The following TSNARE1 variants were observed in gnomAD, a reference collection of about 807,000 sequenced individuals.
The protein encoded by TSNARE1 is t-SNARE domain-containing protein 1.
A neutral mutation model predicts 62.0 loss-of-function variants in TSNARE1; 49 were observed. The ratio of observed to expected loss-of-function variants is 0.79; its 90% CI spans 0.63 to 1.00. The LOEUF (loss-of-function observed/expected upper bound fraction) is 1.00. Among genes scored for constraint, TSNARE1 ranks in the 50% least tolerant of loss-of-function variants. The pLI is 0.00. For synonymous variants in TSNARE1, 328 were observed against 294.4 expected, an observed-to-expected ratio of 1.11 and a Z score of -1.17; for missense variants, 755 against 700.1, an observed-to-expected ratio of 1.08 and a Z score of -0.88.
chr8:142,369,808 C>T (rs117989263), intron 1 of TSNARE1, among the ~76,000 whole-genome samples: 1,647 of 152,286 alleles, frequency 0.011, 14 homozygotes, highest in Non-Finnish European at 0.015. Context: ...AAACAAAAGA[C>T]AAGCACCTAC....
At chr8:142,352,734 C>T (rs539323393) in intron 2 of TSNARE1, among the ~76,000 whole-genome samples, 2 of 152,352 alleles carry the variant, frequency 1.3e-5, no homozygotes, top group South Asian at 2.1e-4. Flanking sequence ...CAGCAACATA[C>T]GGCTCAGGGA....
At chr8:142,327,494 G>A (rs1296238667) in intron 6 of TSNARE1, among the ~76,000 whole-genome samples, 1 of 152,222 alleles carries the variant, frequency 6.6e-6, no homozygotes, top group Non-Finnish European at 1.5e-5. Flanking sequence ...TGCACCAGCT[G>A]GCAAATGGGT....
At chr8:142,231,597 T>C (rs1249308862) in intron 12 of TSNARE1, among the ~76,000 whole-genome samples, 1 of 152,198 alleles carries the variant, frequency 6.6e-6, no homozygotes, top group Non-Finnish European at 1.5e-5. Context: ...TGGCTTAGGA[T>C]ACTGGGGTTT....
chr8:142,267,395 C>T (rs1427451030), intron 12 of TSNARE1, among the ~76,000 whole-genome samples: 2 of 152,204 alleles, frequency 1.3e-5, no homozygotes, highest in Non-Finnish European at 1.5e-5. Flanking sequence ...GGCAAGCTGG[C>T]CGTGCTCATT....
chr8:142,369,260 G>A (rs576393673), intron 1 of TSNARE1, among the ~76,000 whole-genome samples: 1 of 152,320 alleles, frequency 6.6e-6, no homozygotes, highest in Admixed American at 6.5e-5. Context: ...GGAATCTGCA[G>A]CCAGGTCATA....
intron 2 of TSNARE1, among the ~76,000 whole-genome samples, chr8:142,348,069 A>G (rs898780611): frequency 1.3e-5 from 2 of 152,244 alleles, no homozygotes; most frequent in Non-Finnish European, 2.9e-5. Context: ...TTTGAATAGA[A>G]TAATACCCAC....
chr8:142,375,345 G>A (rs1451239914), intron 1 of TSNARE1, among the ~76,000 whole-genome samples: 1 of 152,252 alleles, frequency 6.6e-6, no homozygotes, highest in Non-Finnish European at 1.5e-5. Flanking sequence ...GTGCCCCGGG[G>A]GAGGGCGGGT....
intron 9 of TSNARE1, among the ~76,000 whole-genome samples, chr8:142,309,212 ACTGT>A (rs1382513772): frequency 6.6e-6 from 1 of 152,174 alleles, no homozygotes; most frequent in African/African-American, 2.4e-5. Flanking sequence ...ACATAATCAC[ACTGT>A]CTATGAAACA....
chr8:142,356,247 C>A (rs1475912892), intron 1 of TSNARE1, among the ~76,000 whole-genome samples: 1 of 152,202 alleles, frequency 6.6e-6, no homozygotes, highest in Admixed American at 6.5e-5. Flanking sequence ...AAACACCCGG[C>A]CCCACGCAGA....
intron 1 of TSNARE1, among the ~76,000 whole-genome samples, chr8:142,363,082 C>T (rs1306231344): frequency 6.6e-6 from 1 of 152,158 alleles, no homozygotes; most frequent in African/African-American, 2.4e-5. Context: ...GACCAGTCTC[C>T]AAGCCGCCAG....
chr8:142,259,264 C>A (rs1288988699), intron 12 of TSNARE1, among the ~76,000 whole-genome samples: 2 of 152,224 alleles, frequency 1.3e-5, no homozygotes, highest in Non-Finnish European at 2.9e-5. Flanking sequence ...TTATTAGACG[C>A]AGCAGATTGA....
chr8:142,328,370 T>C (rs967409482), intron 6 of TSNARE1, among the ~76,000 whole-genome samples: 1 of 152,212 alleles, frequency 6.6e-6, no homozygotes, highest in African/African-American at 2.4e-5. Flanking sequence ...GTCATTACTT[T>C]TCTAAGTTCT....
intron 11 of TSNARE1, among the ~76,000 whole-genome samples, chr8:142,282,930 G>A (rs1821872472): frequency 6.8e-6 from 1 of 146,774 alleles, no homozygotes; most frequent in African/African-American, 2.5e-5. Context: ...AGCGGAGGTG[G>A]GGCCACTGTC....
At chr8:142,303,836 G>A (rs555888986) in intron 9 of TSNARE1, among the ~76,000 whole-genome samples, 2 of 152,252 alleles carry the variant, frequency 1.3e-5, no homozygotes, top group South Asian at 4.2e-4. Context: ...AGAGGGACGT[G>A]GCATGAGGCT....
At chr8:142,248,744 T>A (rs1353391124) in intron 12 of TSNARE1, among the ~76,000 whole-genome samples, 1 of 151,944 alleles carries the variant, frequency 6.6e-6, no homozygotes, top group Non-Finnish European at 1.5e-5. Context: ...GCTCAGACAG[T>A]GTCTGCCCTG....
intron 4 of TSNARE1, among the ~76,000 whole-genome samples, chr8:142,334,701 G>GA (rs1294829886): frequency 6.6e-6 from 1 of 152,128 alleles, no homozygotes. Context: ...GTGGCCCGGA[G>GA]AAAAAACTGC....
rs77491269 is a variant in TSNARE1 at position 142,362,868 on chromosome 8, T to C, written c.-39-8105A>G. Among the ~76,000 whole-genome samples the C allele has an allele frequency of 6.0e-3, 916 of 152,280 alleles. 10 individuals carry two copies. Among genetic ancestry groups the C allele is most frequent in the African/African-American group, 0.021 (858 of 41,546 alleles). ...TGAATCTGTTTCTTTCTCTGTAACATGGGACCAAGAAGGGAAATCTCAGAG... is the reference window on the plus strand; with the variant it reads ...TGAATCTGTTTCTTTCTCTGTAACACGGGACCAAGAAGGGAAATCTCAGAG... On this transcript the variant is annotated intron_variant, in intron 1 of 13. Transcript: ENST00000524325.
chr8:142,331,964 C>T (rs377687152), intron 4 of TSNARE1, 133 bp from the exon 5 acceptor site: 35 of 851,256 alleles, frequency 4.1e-5, no homozygotes, highest in East Asian at 1.1e-4. Context: ...AACCCCCTCA[C>T]TGCCTTTGCG....
At chr8:142,276,396 C>T (rs1174587524) in intron 11 of TSNARE1, 7 of 985,350 alleles carry the variant, frequency 7.1e-6, no homozygotes, top group African/African-American at 1.7e-5. Context: ...TCAGGAGGGA[C>T]CAGCCTGCCA....
Sources: gnomAD v4.1 joint callset for allele counts (sites outside exome capture counted in the v4.1 genomes callset) on GRCh38, gnomAD v4.1.1 for gene constraint, MANE v1.5 for transcripts, NCBI Gene and HGNC (gene_info 2026-07-23, HGNC 2026-07-21) for gene names.